The following THSD7B variants were observed in gnomAD, a reference collection of about 807,000 sequenced individuals.
THSD7B encodes thrombospondin type 1 domain containing 7B, also known as thrombospondin type-1 domain-containing protein 7B.
In THSD7B, 138 loss-of-function variants were observed where a neutral mutation model predicts 213.6. The observed-to-expected ratio is 0.65, with a 90% CI of 0.56 to 0.74. THSD7B has a LOEUF of 0.74. Among genes scored for constraint, THSD7B ranks in the 30% least tolerant of loss-of-function variants. The pLI, the probability that THSD7B is intolerant of heterozygous loss-of-function variation, is 0.00. For synonymous variants in THSD7B, 742 were observed against 687.0 expected, an observed-to-expected ratio of 1.08 and a Z score of -1.25; for missense variants, 1,931 against 1,991.5, an observed-to-expected ratio of 0.97 and a Z score of 0.58.
intron 3 of THSD7B, among the ~76,000 whole-genome samples, chr2:137,059,511 T>A (rs191413043): frequency 5.3e-5 from 8 of 152,158 alleles, no homozygotes; most frequent in African/African-American, 1.9e-4. Context: ...TAAGTATCCC[T>A]TCTACTCTAT....
At chr2:137,458,362 TTGAC>T (rs1687812605) in intron 15 of THSD7B, among the ~76,000 whole-genome samples, 4 of 152,198 alleles carry the variant, frequency 2.6e-5, no homozygotes, top group Admixed American at 2.6e-4. Flanking sequence ...TGCTTTTACT[TTGAC>T]TGGACCACTT....
At chr2:137,669,422 T>C (rs924995394) in intron 27 of THSD7B, among the ~76,000 whole-genome samples, 1 of 151,070 alleles carries the variant, frequency 6.6e-6, no homozygotes, top group African/African-American at 2.4e-5. Context: ...CAGTTGGTCA[T>C]TCATCCTAGA....
At position 137,546,616 on chromosome 2, in the gene THSD7B, GT is replaced by G. The variant is rs1406412398; in HGVS notation, c.3139-16599del. On this transcript the variant is annotated intron_variant, in intron 15 of 27. Transcript: ENST00000409968. ...GGGGATACTGGGGTTTTTTTTGTTT[GT>G]TTTTTACAGAAAATATGGTTTTCTG... Among the ~76,000 whole-genome samples the G allele has an allele frequency of 1.3e-3, 173 of 137,446 alleles. 2 individuals are homozygous for G. Among genetic ancestry groups the G allele is most frequent in the Non-Finnish European group, 2.8e-4 (18 of 64,170 alleles). 90.2% of individuals were successfully genotyped at this position (137,446 alleles called of 152,430 possible). A position where few individuals can be genotyped will look rare whatever the true frequency, so the allele number is the denominator to read the frequency against.
intron 20 of THSD7B, among the ~76,000 whole-genome samples, chr2:137,623,724 T>G (rs1361144184): frequency 1.3e-5 from 2 of 152,190 alleles, no homozygotes. Context: ...GAACTCCCAT[T>G]CACAATTGCT....
intron 12 of THSD7B, among the ~76,000 whole-genome samples, chr2:137,318,718 A>G (rs1684187425): frequency 6.6e-6 from 1 of 150,930 alleles, no homozygotes; most frequent in Admixed American, 6.6e-5. Context: ...GAGCTTTGTA[A>G]CCTTGGTTTT....
chr2:137,285,979 C>T (rs140446605), intron 12 of THSD7B, among the ~76,000 whole-genome samples: 3,963 of 151,398 alleles, frequency 0.026, 169 homozygotes, highest in African/African-American at 0.091. Flanking sequence ...TGGTGGGTGC[C>T]GGTAATCCCA....
chr2:137,046,107 T>A (rs147176702), intron 2 of THSD7B, among the ~76,000 whole-genome samples: 1 of 152,280 alleles, frequency 6.6e-6, no homozygotes, highest in African/African-American at 2.4e-5. Flanking sequence ...ATGATTCTGC[T>A]GCCTATGATG....
At chr2:137,040,399 CTTT>C (rs56018211) in intron 2 of THSD7B, among the ~76,000 whole-genome samples, 1 of 142,606 alleles carries the variant, frequency 7.0e-6, no homozygotes, top group Non-Finnish European at 1.5e-5. Context: ...TCTTCCTCTT[CTTT>C]TTTTTTTTTG....
chr2:137,189,611 C>T (rs1680618163), intron 7 of THSD7B, among the ~76,000 whole-genome samples: 1 of 151,926 alleles, frequency 6.6e-6, no homozygotes, highest in Non-Finnish European at 1.5e-5. Flanking sequence ...TTCCTGTCCT[C>T]AGGATTCTTC....
chr2:137,208,209 A>G (rs1167706982), intron 7 of THSD7B, among the ~76,000 whole-genome samples: 3 of 152,042 alleles, frequency 2.0e-5, no homozygotes, highest in Admixed American at 6.6e-5. Context: ...CTTTTAACCT[A>G]TAACTAAGGT....
At chr2:137,498,335 CTTTT>C (rs10535733) in intron 15 of THSD7B, among the ~76,000 whole-genome samples, 1 of 146,502 alleles carries the variant, frequency 6.8e-6, no homozygotes. Flanking sequence ...ACAGTAAAGT[CTTTT>C]TTTTTTTTTT....
intron 15 of THSD7B, among the ~76,000 whole-genome samples, chr2:137,559,323 G>C (rs111693820): frequency 0.014 from 2,106 of 152,200 alleles, 49 homozygotes; most frequent in African/African-American, 0.046. Context: ...ATACTGCAAG[G>C]CTACAGTAAC....
chr2:137,135,344 C>T (rs1033902424), intron 5 of THSD7B, among the ~76,000 whole-genome samples: 1 of 152,136 alleles, frequency 6.6e-6, no homozygotes, highest in African/African-American at 2.4e-5. Context: ...TGTCTGAAGT[C>T]ACTAATATTT....
At chr2:136,819,966 T>G (rs950404179) in intron 1 of THSD7B, among the ~76,000 whole-genome samples, 2 of 152,144 alleles carry the variant, frequency 1.3e-5, no homozygotes, top group Non-Finnish European at 2.9e-5. Context: ...TCCCCACTAT[T>G]CTGGTCCTCA....
chr2:137,076,477 G>A (rs77466164), intron 3 of THSD7B, among the ~76,000 whole-genome samples: 47 of 152,282 alleles, frequency 3.1e-4, no homozygotes, highest in Non-Finnish European at 5.0e-4. Flanking sequence ...AATTTTCCAG[G>A]TGCCATCTGT....
At position 137,459,542 on chromosome 2, in the gene THSD7B, G is replaced by A. The variant is rs547493648; in HGVS notation, c.3138+8519G>A. ...TTAGCTAGGTGTGGTGATAGGTGCC[G>A]TAATCCCAGCTACCTGGAAGGCTGA... On this transcript the variant is annotated intron_variant, in intron 15 of 27. Coordinates refer to ENST00000409968, the MANE Select transcript of THSD7B (RefSeq NM_001316349.2). Among the ~76,000 whole-genome samples, 188 of 152,046 alleles carry A rather than the reference G, an allele frequency of 1.2e-3. 1 individual carries two copies. Among genetic ancestry groups the A allele is most frequent in the African/African-American group, 3.8e-3 (157 of 41,516 alleles).
chr2:137,184,653 A>G (rs1680517900), intron 7 of THSD7B, among the ~76,000 whole-genome samples: 1 of 152,150 alleles, frequency 6.6e-6, no homozygotes, highest in Non-Finnish European at 1.5e-5. Context: ...ATTTGTCTAT[A>G]TTGTCTATAT....
At chr2:137,041,891 G>A (rs1686888891) in intron 2 of THSD7B, among the ~76,000 whole-genome samples, 2 of 152,200 alleles carry the variant, frequency 1.3e-5, no homozygotes, top group Admixed American at 1.3e-4. Flanking sequence ...CACAAGGTAT[G>A]TTTGAAAGGA....
At chr2:137,418,725 T>C (rs1032607648) in intron 14 of THSD7B, among the ~76,000 whole-genome samples, 3 of 152,150 alleles carry the variant, frequency 2.0e-5, no homozygotes, top group Non-Finnish European at 4.4e-5. Context: ...ATCACCAATC[T>C]ACTCTCTATT....
Sources: allele counts gnomAD v4.1 joint callset (sites outside exome capture counted in the v4.1 genomes callset), GRCh38; gene constraint gnomAD v4.1.1; transcripts MANE v1.5; gene names NCBI Gene and HGNC (gene_info 2026-07-23, HGNC 2026-07-21).